VGLL4: variants seen among roughly 807,000 people sequenced by gnomAD.
VGLL4 encodes vestigial like family member 4.
In VGLL4, 7 loss-of-function variants were observed where a neutral mutation model predicts 21.0. That is an observed-to-expected ratio of 0.33 (90% CI 0.19 to 0.63). The LOEUF is 0.63. Among genes scored for constraint, VGLL4 ranks in the 20% least tolerant of loss-of-function variants. The probability of loss-of-function intolerance (pLI) is 0.78; values close to 1 mark genes in which losing one functional copy is unlikely to be tolerated. For missense variants in VGLL4, 394 were observed against 425.7 expected, an observed-to-expected ratio of 0.93 and a Z score of 0.66; for synonymous variants, 222 against 173.2, an observed-to-expected ratio of 1.28 and a Z score of -2.21.
At chr3:11,610,196 A>G (rs2125282983) in intron 1 of VGLL4, 1 of 152,340 alleles carries the variant, frequency 6.6e-6, no homozygotes, top group Non-Finnish European at 1.5e-5. Flanking sequence ...CGCCCCTCTC[A>G]CATCTCACCC....
chr3:11,719,170 G>A lies in VGLL4; in HGVS notation c.-14+1224C>T, dbSNP rs117997319. Among the ~76,000 whole-genome samples, 1,078 of 152,222 alleles carry A rather than the reference G, an allele frequency of 7.1e-3. 47 individuals are homozygous for A. In the East Asian group the frequency reaches 0.11, roughly 15 times the overall value. On this transcript the variant is annotated intron_variant, in intron 1 of 5. Coordinates refer to the VGLL4 transcript ENST00000273038. The surrounding 1 kb of genome is among the most constrained non-coding windows in gnomAD (Gnocchi z 4.0). ...ATCACAGCCCTCCCTGAGGCCGGCG[G>A]GGACCGCGGGGTGCCAGGCGCGGGC...
Position 11,692,410 on chromosome 3 carries a change from C to T in VGLL4, c.64+10561G>A, listed in dbSNP as rs77254902. On this transcript the variant is annotated intron_variant, in intron 2 of 5. Transcript: ENST00000273038. Reference sequence around the variant, plus strand: ...TGGCTTAAATAAGCACCTAATCCACCTGATGTTTTATGAAGCCTTTTGAAT... The same window carrying T: ...TGGCTTAAATAAGCACCTAATCCACTTGATGTTTTATGAAGCCTTTTGAAT... 3.7e-3 allele frequency among the ~76,000 whole-genome samples: 556 copies of T among 152,306 alleles called. 5 individuals carry two copies. Among genetic ancestry groups the T allele is most frequent in the Middle Eastern group, 0.01 (3 of 294 alleles).
chr3:11,598,856 A>G (rs2074710633), intron 2 of VGLL4, among the ~76,000 whole-genome samples: 1 of 152,238 alleles, frequency 6.6e-6, no homozygotes, highest in Non-Finnish European at 1.5e-5. Flanking sequence ...GATAAAATAC[A>G]TCACATTTTC....
chr3:11,693,465 C>T (rs1001282376), intron 2 of VGLL4, among the ~76,000 whole-genome samples: 1 of 152,202 alleles, frequency 6.6e-6, no homozygotes, highest in Admixed American at 6.5e-5. Flanking sequence ...CTGCTATAGA[C>T]TCACACCATC....
chr3:11,705,221 G>A (rs1356958171), intron 1 of VGLL4, among the ~76,000 whole-genome samples: 3 of 152,362 alleles, frequency 2.0e-5, no homozygotes, highest in Admixed American at 1.3e-4. Flanking sequence ...CACGTGGAAC[G>A]GAGTAGATAG....
At chr3:11,596,321 T>C (rs1307959030) in intron 2 of VGLL4, among the ~76,000 whole-genome samples, 2 of 152,208 alleles carry the variant, frequency 1.3e-5, no homozygotes, top group Non-Finnish European at 2.9e-5. Flanking sequence ...AAAGTAACTC[T>C]TCAAATTCAT....
chr3:11,644,061 G>A (rs957538842), upstream of VGLL4: 6 of 921,282 alleles, frequency 6.5e-6, no homozygotes, highest in Middle Eastern at 5.6e-4. Context: ...GAAAGGGGAG[G>A]GGGAGAGACT....
At chr3:11,611,181 C>G (rs1286067286) in intron 1 of VGLL4, among the ~76,000 whole-genome samples, 2 of 152,044 alleles carry the variant, frequency 1.3e-5, no homozygotes, top group African/African-American at 2.4e-5. Context: ...TGAACCATGC[C>G]CACCCCTGGA....
At chr3:11,681,335 G>A (rs2076367697) in intron 2 of VGLL4, among the ~76,000 whole-genome samples, 1 of 152,216 alleles carries the variant, frequency 6.6e-6, no homozygotes, top group Non-Finnish European at 1.5e-5. Context: ...CTGACCTTGT[G>A]ATCCACCTGC....
chr3:11,587,309 C>T (rs750974976), intron 2 of VGLL4, among the ~76,000 whole-genome samples: 4 of 152,210 alleles, frequency 2.6e-5, no homozygotes, highest in African/African-American at 9.7e-5. Context: ...ATGGCTCAGG[C>T]GCCTTTCAGC....
intron 2 of VGLL4, among the ~76,000 whole-genome samples, chr3:11,700,407 T>C (rs1391448698): frequency 1.3e-5 from 2 of 152,216 alleles, no homozygotes; most frequent in African/African-American, 4.8e-5. Flanking sequence ...ACTGACTATA[T>C]TGGCGCTCAA....
chr3:11,620,448 C>T (rs530777347), intron 1 of VGLL4, among the ~76,000 whole-genome samples: 3 of 152,200 alleles, frequency 2.0e-5, no homozygotes, highest in South Asian at 2.1e-4. Context: ...CAAAAGGTGC[C>T]GGAGGGCAGG....
rs997478631 is a variant in VGLL4 at position 11,559,336 on chromosome 3, C to T, written c.615G>A (p.Pro205=). The stretch of plus-strand genomic sequence containing the variant: ...GAGGAGGCCCGGGACACTCACCGCT[C>T]GGTGGCCTCCGGTAGCTGGCAGGCC... ...APGPASYRRP[P]SAATTCDPVV... Residue 205 remains proline (P), a synonymous_variant, in exon 4 of 5, where the codon CCG becomes CCA. Coordinates refer to ENST00000430365, the MANE Select transcript of VGLL4 (RefSeq NM_001128219.3). 2.1e-5 allele frequency: 33 copies of T among 1,540,896 alleles called. No homozygotes were observed. The Middle Eastern group carries it at 9.1e-4, about 43-fold the overall frequency.
chr3:11,582,740 T>C (rs2074265700), intron 2 of VGLL4, among the ~76,000 whole-genome samples: 1 of 152,188 alleles, frequency 6.6e-6, no homozygotes, highest in Admixed American at 6.5e-5. Flanking sequence ...GAAGGCACGA[T>C]GCATGCAACT....
chr3:11,657,588 G>C (rs1422744096), intron 2 of VGLL4, among the ~76,000 whole-genome samples: 1 of 152,164 alleles, frequency 6.6e-6, no homozygotes, highest in Non-Finnish European at 1.5e-5. Context: ...AGGCAAAACA[G>C]CTGCTAACTA....
At chr3:11,583,577 C>T (rs2125229656) in intron 2 of VGLL4, among the ~76,000 whole-genome samples, 1 of 152,218 alleles carries the variant, frequency 6.6e-6, no homozygotes, top group Non-Finnish European at 1.5e-5. Flanking sequence ...TCTAAAAGCT[C>T]AATGTGACAG....
intron 1 of VGLL4, among the ~76,000 whole-genome samples, chr3:11,718,386 C>T (rs1364441691): frequency 6.6e-6 from 1 of 152,114 alleles, no homozygotes; most frequent in East Asian, 1.9e-4. Flanking sequence ...TAACTTGTCC[C>T]AAGATCACAC....
chr3:11,655,090 G>A (rs1361708620), intron 2 of VGLL4, among the ~76,000 whole-genome samples: 1 of 152,194 alleles, frequency 6.6e-6, no homozygotes, highest in Non-Finnish European at 1.5e-5. Flanking sequence ...TATTAGAGCA[G>A]TTTTGAACCG....
At chr3:11,664,025 G>T (rs2076073610) in intron 2 of VGLL4, among the ~76,000 whole-genome samples, 1 of 152,188 alleles carries the variant, frequency 6.6e-6, no homozygotes, top group Admixed American at 6.5e-5. Context: ...TCCAAGGCGG[G>T]AGGATCACCT....
Sources: allele counts gnomAD v4.1 joint callset (sites outside exome capture counted in the v4.1 genomes callset), GRCh38; gene constraint gnomAD v4.1.1; non-coding constraint Gnocchi (gnomAD v3.1); transcripts MANE v1.5; gene names NCBI Gene and HGNC (gene_info 2026-07-23, HGNC 2026-07-21).